LHFPL3: variants seen among roughly 807,000 people sequenced by gnomAD.
The protein encoded by LHFPL3 is LHFPL tetraspan subfamily member 3 protein.
LHFPL3 carries 5 observed loss-of-function variants against 19.3 expected under a neutral mutation model. That is an observed-to-expected ratio of 0.26 (90% CI 0.14 to 0.54). LHFPL3 has a LOEUF of 0.54. Among genes scored for constraint, LHFPL3 ranks in the 20% least tolerant of loss-of-function variants. The pLI is 0.94. For synonymous variants in LHFPL3, 133 were observed against 126.2 expected, an observed-to-expected ratio of 1.05 and a Z score of -0.36; for missense variants, 249 against 307.4, an observed-to-expected ratio of 0.81 and a Z score of 1.42.
chr7:104,442,253 T>C (rs981401451), intron 1 of LHFPL3, among the ~76,000 whole-genome samples: 2 of 152,080 alleles, frequency 1.3e-5, no homozygotes, highest in African/African-American at 2.4e-5. Flanking sequence ...TCTTTTTTTT[T>C]TTGCTGCTGA....
intron 2 of LHFPL3, among the ~76,000 whole-genome samples, chr7:104,811,403 G>C (rs534156612): frequency 1.3e-5 from 2 of 152,130 alleles, no homozygotes; most frequent in South Asian, 4.2e-4. Context: ...GTCTCACCAA[G>C]TTTCCCAGGC....
At chr7:104,684,964 A>G (rs910859394) in intron 1 of LHFPL3, among the ~76,000 whole-genome samples, 50 of 152,240 alleles carry the variant, frequency 3.3e-4, no homozygotes, top group African/African-American at 1.2e-3. Flanking sequence ...CTTTCATGGC[A>G]GTAAAAACAA....
intron 2 of LHFPL3, among the ~76,000 whole-genome samples, chr7:104,881,235 C>T (rs750984925): frequency 1.8e-4 from 28 of 151,856 alleles, no homozygotes; most frequent in Non-Finnish European, 3.1e-4. Flanking sequence ...AGTGTTTCCC[C>T]TAATGGATCT....
chr7:104,820,705 C>G (rs1790659091), intron 2 of LHFPL3, among the ~76,000 whole-genome samples: 1 of 152,184 alleles, frequency 6.6e-6, no homozygotes, highest in Non-Finnish European at 1.5e-5. Context: ...CTGACCTTCA[C>G]TGCCTCAGGG....
At chr7:104,462,280 T>G (rs1792681086) in intron 1 of LHFPL3, among the ~76,000 whole-genome samples, 1 of 152,226 alleles carries the variant, frequency 6.6e-6, no homozygotes, top group Admixed American at 6.5e-5. Flanking sequence ...AATACTACAT[T>G]GAATAGGAGT....
chr7:104,901,916 A>G (rs1792493136), intron 2 of LHFPL3, among the ~76,000 whole-genome samples: 1 of 152,058 alleles, frequency 6.6e-6, no homozygotes, highest in Admixed American at 6.6e-5. Context: ...TGACCCTGCA[A>G]GTGAGCTCCT....
At chr7:104,840,365 G>A (rs1345201118) in intron 2 of LHFPL3, among the ~76,000 whole-genome samples, 1 of 146,448 alleles carries the variant, frequency 6.8e-6, no homozygotes, top group African/African-American at 2.5e-5. Context: ...ACCGAGGCTG[G>A]AGTGCAGCGG....
At chr7:104,646,358 C>T (rs1791934971) in intron 1 of LHFPL3, among the ~76,000 whole-genome samples, 1 of 152,188 alleles carries the variant, frequency 6.6e-6, no homozygotes, top group South Asian at 2.1e-4. Flanking sequence ...GCCCTAATCG[C>T]TATTAACATT....
chr7:104,763,112 T>G (rs1037125165), intron 2 of LHFPL3, among the ~76,000 whole-genome samples: 14 of 152,334 alleles, frequency 9.2e-5, no homozygotes, highest in African/African-American at 3.4e-4. Context: ...TGATAACTAT[T>G]CTATAATCAT....
At chr7:104,592,867 G>A (rs931186340) in intron 1 of LHFPL3, among the ~76,000 whole-genome samples, 6 of 152,150 alleles carry the variant, frequency 3.9e-5, no homozygotes, top group African/African-American at 9.7e-5. Flanking sequence ...TGTGCTAGCA[G>A]TGAGTGAGGC....
chr7:104,542,646 A>T (rs1794509051), intron 1 of LHFPL3, among the ~76,000 whole-genome samples: 1 of 152,174 alleles, frequency 6.6e-6, no homozygotes, highest in African/African-American at 2.4e-5. Flanking sequence ...CTCTTCTCAG[A>T]CACACCCATC....
chr7:104,542,162 G>C (rs1794497754), intron 1 of LHFPL3, among the ~76,000 whole-genome samples: 1 of 152,042 alleles, frequency 6.6e-6, no homozygotes, highest in African/African-American at 2.4e-5. Flanking sequence ...CAGCAGAAAT[G>C]ACTGCCAAAA....
intron 2 of LHFPL3, among the ~76,000 whole-genome samples, chr7:104,739,445 A>G (rs1049974819): frequency 1.3e-5 from 2 of 152,218 alleles, no homozygotes; most frequent in Non-Finnish European, 2.9e-5. Flanking sequence ...GCTATCTTCT[A>G]TAGATTCTAA....
At position 104,416,687 on chromosome 7, in the gene LHFPL3, A is replaced by G. The variant is rs373336214; in HGVS notation, c.445+87463A>G. Reference sequence around the variant, plus strand: ...TGCTGGGCAACTTAAAGAGAATGACATATGTTCAACACAATAGGCTTTATA... The same window carrying G: ...TGCTGGGCAACTTAAAGAGAATGACGTATGTTCAACACAATAGGCTTTATA... On this transcript the variant is annotated intron_variant, in intron 1 of 2. Coordinates refer to ENST00000424859, the MANE Select transcript of LHFPL3 (RefSeq NM_199000.3). 2.8e-4 allele frequency among the ~76,000 whole-genome samples: 42 copies of G among 152,362 alleles called. No individual in the cohort carries two copies. The East Asian group carries it at 4.2e-3, about 15-fold the overall frequency.
chr7:104,877,387 T>C (rs1791968423), intron 2 of LHFPL3, among the ~76,000 whole-genome samples: 1 of 152,336 alleles, frequency 6.6e-6, no homozygotes, highest in African/African-American at 2.4e-5. Context: ...ATCCAAAGTA[T>C]GTAAACAGCT....
At chr7:104,522,631 A>T (rs534770628) in intron 1 of LHFPL3, among the ~76,000 whole-genome samples, 3 of 152,264 alleles carry the variant, frequency 2.0e-5, no homozygotes, top group African/African-American at 7.2e-5. Flanking sequence ...AGCCTCAAGA[A>T]ACCTAAAATC....
chr7:104,645,654 C>CTTTTTTTTTT (rs869151153), intron 1 of LHFPL3, among the ~76,000 whole-genome samples: 2 of 81,618 alleles, frequency 2.5e-5, no homozygotes, highest in Non-Finnish European at 4.2e-5. Flanking sequence ...ATTGGGTTTT[C>CTTTTTTTTTT]TTTTTTTTTT....
chr7:104,804,242 C>A (rs1048140009), intron 2 of LHFPL3: 1 of 152,184 alleles, frequency 6.6e-6, no homozygotes, highest in African/African-American at 2.4e-5. Flanking sequence ...TGCTGATTCG[C>A]CAGCTTAAGT....
At chr7:104,478,272 A>G (rs899282939) in intron 1 of LHFPL3, among the ~76,000 whole-genome samples, 10 of 152,096 alleles carry the variant, frequency 6.6e-5, no homozygotes, top group African/African-American at 2.4e-4. Flanking sequence ...ACTTCTACAA[A>G]ATTACCTGGA....
Sources: gnomAD v4.1 joint callset for allele counts (sites outside exome capture counted in the v4.1 genomes callset) on GRCh38, gnomAD v4.1.1 for gene constraint, MANE v1.5 for transcripts, NCBI Gene and HGNC (gene_info 2026-07-23, HGNC 2026-07-21) for gene names.